The following ZNF676 variants were observed in gnomAD, a reference collection of about 807,000 sequenced individuals.
ZNF676 encodes zinc finger protein 676.
ZNF676 carries 4 observed loss-of-function variants against 6.0 expected under a neutral mutation model. The observed-to-expected ratio is 0.67, with a 90% CI of 0.33 to 1.53. The LOEUF (loss-of-function observed/expected upper bound fraction) is 1.53. ZNF676 is among the 40% of genes most tolerant of loss of function. ZNF676 has a pLI of 0.06. For missense variants in ZNF676, 644 were observed against 679.7 expected (o/e 0.95, Z 0.58); for synonymous variants, 198 against 223.1 (o/e 0.89, Z 1.00).
chr19:22,253,651 C>G, the ZNF676 span, among the ~76,000 whole-genome samples: 1 of 151,898 alleles, frequency 6.6e-6, no homozygotes, highest in African/African-American at 2.4e-5. Flanking sequence ...AAGGATCTAA[C>G]TTGCCAGAAT....
chr19:22,241,522 T>C, the ZNF676 span, among the ~76,000 whole-genome samples: 1 of 151,842 alleles, frequency 6.6e-6, no homozygotes. Context: ...TCAACTGTGG[T>C]CTGTGTTCAT....
At chr19:22,244,268 T>TCCTGA in the ZNF676 span, 2 of 152,136 alleles carry the variant, frequency 1.3e-5, no homozygotes, top group Non-Finnish European at 2.9e-5. Flanking sequence ...GCTCTCCAAC[T>TCCTGA]CCTGACCTCG....
chr19:22,195,383 A>G (rs573667852), intron 1 of ZNF676, among the ~76,000 whole-genome samples: 16 of 152,290 alleles, frequency 1.1e-4, no homozygotes, highest in Admixed American at 1.0e-3. Flanking sequence ...TAATCTGTCC[A>G]AGCCTTGGGC....
chr19:22,233,791 CAG>C, the ZNF676 span, among the ~76,000 whole-genome samples: 1 of 152,186 alleles, frequency 6.6e-6, no homozygotes, highest in African/African-American at 2.4e-5. Flanking sequence ...TGGGCAATGA[CAG>C]GGGTAGCTGG....
chr19:22,198,988 AAAC>A (rs57414304), upstream of ZNF676, among the ~76,000 whole-genome samples: 63,989 of 151,504 alleles, frequency 0.42, 14,282 homozygotes, highest in African/African-American at 0.57. Context: ...CACTTAATTA[AAAC>A]AACATGAATG....
chr19:22,180,061 C>G lies in ZNF676; in HGVS notation c.1656G>C (p.Lys552Asn), dbSNP rs548218361. 6.2e-7 allele frequency: 1 copy of G among 1,613,748 alleles called. No homozygotes were observed. The highest frequency in any genetic ancestry group is 1.3e-5 in the African/African-American group (1 of 74,998). ...FSRSSSLTRHKRIHTGEKPYK... is the reference protein window; with the variant it reads ...FSRSSSLTRHNRIHTGEKPYK... ...AGGGTTTCTCTCCAGTATGAATTCT[C>G]TTGTGTCTAGTAAGGCTTGAGGATC... The change falls in exon 3 of 3, where the codon AAG becomes AAC. Residue 552 changes from lysine to asparagine, a missense_variant. Lys to Asn is a moderately conservative substitution (Grantham distance 94). Transcript: ENST00000397121.
chr19:22,181,210 G>A lies in ZNF676; in HGVS notation c.507C>T (p.Tyr169=). 1 of 1,613,894 alleles carries A rather than the reference G, an allele frequency of 6.2e-7. No individual in the cohort carries two copies. Among genetic ancestry groups the A allele is most frequent in the South Asian group, 1.1e-5 (1 of 91,074 alleles). Residue 169 remains tyrosine (Y), a synonymous_variant, in exon 3 of 3, where the codon TAC becomes TAT. Transcript: ENST00000397121. ...HERIYTRENS[Y]KCEENGKAFN... is the part of the protein sequence containing the mutation. The stretch of plus-strand genomic sequence containing the variant: ...AAGCTTTGCCATTTTCTTCACATTT[G>A]TAGGAATTCTCTCTAGTATAAATTC...
the ZNF676 span, among the ~76,000 whole-genome samples, chr19:22,235,749 G>A: frequency 2.4e-4 from 37 of 152,290 alleles, no homozygotes; most frequent in Non-Finnish European, 4.7e-4. Flanking sequence ...CTTTGAATAA[G>A]ATTATGACAC....
intron 1 of ZNF676, among the ~76,000 whole-genome samples, chr19:22,212,849 G>A (rs1388719691): frequency 6.6e-6 from 1 of 151,928 alleles, no homozygotes; most frequent in Non-Finnish European, 1.5e-5. Context: ...ACAAAAATTA[G>A]CCAGGCATGT....
At chr19:22,215,361 C>G (rs2024173650) in intron 1 of ZNF676, among the ~76,000 whole-genome samples, 1 of 152,152 alleles carries the variant, frequency 6.6e-6, no homozygotes, top group South Asian at 2.1e-4. Flanking sequence ...TCCCACAGTC[C>G]GTGCACAATC....
rs756719322 is a variant in ZNF676, at chr19:22,180,311, C to A, written c.1406G>T (p.Arg469Ile). 3.1e-6 allele frequency: 5 copies of A among 1,611,488 alleles called. No homozygotes were observed. The highest frequency in any genetic ancestry group is 2.2e-5 in the South Asian group (2 of 90,964). Residue 469 changes from arginine to isoleucine, a missense_variant, in exon 3 of 3, where the codon AGA becomes ATA. By Grantham distance (97) the Arg-to-Ile change is moderately conservative (BLOSUM62 -3). This residue lies in a region of ZNF676 where 306 missense variants were observed against 265.4 expected (regional missense o/e 1.15). Transcript: ENST00000397121. The part of the protein sequence containing the change: ...TWSSSFTKHK[R>I]IHAAEKPYKC... ...GTAAGGTTTCTCTGCAGCATGAATTCTCTTGTGTTTAGTAAAGCTTGAGGA... is the reference window on the plus strand; with the variant it reads ...GTAAGGTTTCTCTGCAGCATGAATTATCTTGTGTTTAGTAAAGCTTGAGGA...
chr19:22,207,983 T>TAAA (rs59890557), intron 1 of ZNF676, among the ~76,000 whole-genome samples: 20 of 129,208 alleles, frequency 1.5e-4, no homozygotes, highest in African/African-American at 5.0e-4. Context: ...TTAAAAATTA[T>TAAA]AAAAAAAAAA....
At position 22,180,042 on chromosome 19, in the gene ZNF676, T is replaced by C. The variant is rs1194889866; in HGVS notation, c.1675A>G (p.Lys559Glu). The C allele has an allele frequency of 1.2e-6, 2 of 1,613,814 alleles. No homozygotes were observed. The highest frequency in any genetic ancestry group is 1.7e-6 in the Non-Finnish European group (2 of 1,179,864). The change falls in exon 3 of 3, where the codon AAA (lysine) becomes GAA (glutamate). Residue 559 changes from lysine to glutamate, a missense_variant. Lys to Glu is a moderately conservative substitution (Grantham distance 56). This residue lies in a region of ZNF676 where 306 missense variants were observed against 265.4 expected (regional missense o/e 1.15). Coordinates refer to ENST00000397121, the MANE Select transcript of ZNF676 (RefSeq NM_001001411.3). ...CCACATTCTTCACATTTGTAGGGTT[T>C]CTCTCCAGTATGAATTCTCTTGTGT... ...TRHKRIHTGE[K>E]PYKCEECGKA...
chr19:22,237,691 A>G, the ZNF676 span, among the ~76,000 whole-genome samples: 1 of 152,214 alleles, frequency 6.6e-6, no homozygotes, highest in South Asian at 2.1e-4. Flanking sequence ...GGCTGATGGC[A>G]GCATGCATCA....
At chr19:22,204,075 G>C (rs2024053002) in intron 1 of ZNF676, 1 of 152,054 alleles carries the variant, frequency 6.6e-6, no homozygotes, top group African/African-American at 2.4e-5. Flanking sequence ...TACCTAACTG[G>C]AGAGCTATTA....
chr19:22,222,108 A>T, the ZNF676 span, among the ~76,000 whole-genome samples: 4 of 150,920 alleles, frequency 2.7e-5, no homozygotes, highest in South Asian at 4.2e-4. Context: ...GCTAAAATAT[A>T]TTTTTTTTTT....
chr19:22,251,786 CA>C, the ZNF676 span, among the ~76,000 whole-genome samples: 557 of 96,716 alleles, frequency 5.8e-3, 3 homozygotes, highest in African/African-American at 0.016. Flanking sequence ...GACTCCATCT[CA>C]AAAAAAAAAA....
rs752604889 is a variant in ZNF676 at position 22,181,367 on chromosome 19, T to C, written c.350A>G (p.Lys117Arg). Residue 117 changes from lysine (K) to arginine (R), a missense_variant, in exon 3 of 3, where the codon AAA becomes AGA. Transcript: ENST00000397121. ...TTQSKVFQCG[K>R]YANVFHKCSN... ...ACATTTATGAAAGACGTTTGCATAT[T>C]TGCCACATTGAAATACTTTGCTCTG... 10 of 1,613,758 alleles carry C rather than the reference T, an allele frequency of 6.2e-6. No individual in the cohort carries two copies. Among genetic ancestry groups the C allele is most frequent in the Non-Finnish European group, 7.6e-6 (9 of 1,179,756 alleles).
the ZNF676 span, among the ~76,000 whole-genome samples, chr19:22,250,739 T>G: frequency 6.6e-6 from 1 of 151,148 alleles, no homozygotes; most frequent in African/African-American, 2.4e-5. Context: ...TAAGACAGAG[T>G]TTCCTTCTAT....
Sources: gnomAD v4.1 joint callset for allele counts (sites outside exome capture counted in the v4.1 genomes callset) on GRCh38, gnomAD v4.1.1 for gene constraint, gnomAD v4.1.1 regional missense constraint, MANE v1.5 for transcripts, NCBI Gene and HGNC (gene_info 2026-07-23, HGNC 2026-07-21) for gene names.